Variants in TIPRL observed in about 807,000 individuals in gnomAD.
TIPRL encodes TIP41-like protein.
Under a neutral mutation model 32.3 loss-of-function variants are expected in TIPRL, and 10 were observed. The observed-to-expected ratio is 0.31, with a 90% CI of 0.19 to 0.52. The LOEUF is 0.52. Among genes scored for constraint, TIPRL ranks in the 20% least tolerant of loss-of-function variants. The pLI is 0.96. For synonymous variants in TIPRL, 100 were observed against 114.0 expected, an observed-to-expected ratio of 0.88 and a Z score of 0.78; for missense variants, 250 against 328.1, an observed-to-expected ratio of 0.76 and a Z score of 1.84.
intron 3 of TIPRL, among the ~76,000 whole-genome samples, chr1:168,188,669 G>A (rs928203196): frequency 7.2e-5 from 11 of 152,080 alleles, no homozygotes; most frequent in African/African-American, 2.4e-4. Flanking sequence ...AGTTTGAGGT[G>A]TACTGGGCCT....
chr1:168,199,654 T>G (rs912849869), intron 6 of TIPRL, among the ~76,000 whole-genome samples: 1 of 152,188 alleles, frequency 6.6e-6, no homozygotes, highest in Non-Finnish European at 1.5e-5. Context: ...TGGATTAAGA[T>G]GTATTAAATT....
intron 4 of TIPRL, among the ~76,000 whole-genome samples, chr1:168,191,799 G>A (rs1700100010): frequency 6.8e-6 from 1 of 146,334 alleles, no homozygotes; most frequent in African/African-American, 2.6e-5. Flanking sequence ...GTGAACCCAA[G>A]AGGCGGAGCT....
At chr1:168,182,043 GAC>G (rs1438410340) in intron 1 of TIPRL, among the ~76,000 whole-genome samples, 2 of 149,898 alleles carry the variant, frequency 1.3e-5, no homozygotes, top group East Asian at 3.9e-4. Context: ...CAGCCTGGAT[GAC>G]AGAGTAAGAC....
Position 168,196,284 on chromosome 1 carries a change from TA to T in TIPRL, c.517-261del, listed in dbSNP as rs1700152451. Among the ~76,000 whole-genome samples, 3 of 152,224 alleles carry T rather than the reference TA, an allele frequency of 2.0e-5. No individual in the cohort carries two copies. The South Asian group carries it at 6.2e-4, about 31-fold the overall frequency. Reference sequence around the variant, plus strand: ...TTTTTACATTACTTGGGTATGTTTTTAAGTCTTTTAAACCTCAATATCTCCT... The same window carrying T: ...TTTTTACATTACTTGGGTATGTTTTTAGTCTTTTAAACCTCAATATCTCCT... On this transcript the variant is annotated intron_variant, in intron 4 of 6. Coordinates refer to ENST00000367833, the MANE Select transcript of TIPRL (RefSeq NM_152902.5).
At position 168,200,670 on chromosome 1, in the gene TIPRL, T is replaced by C. The variant is rs1700200086; in HGVS notation, c.*624T>C. The C allele has an allele frequency of 6.6e-6, 1 of 152,190 alleles. No individual in the cohort carries two copies. Among genetic ancestry groups the C allele is most frequent in the Non-Finnish European group, 1.5e-5 (1 of 68,050 alleles). 9.4% of individuals were successfully genotyped at this position (152,190 alleles called of 1,614,324 possible). A position where few individuals can be genotyped will look rare whatever the true frequency, so the allele number is the denominator to read the frequency against. On this transcript the variant is annotated 3_prime_UTR_variant, in exon 7 of 7. Transcript: ENST00000367833. ...AATACCTAGATTTTTGGAGAACTTA[T>C]TACATACATAGAAACATGAATATGG...
At chr1:168,185,769 C>CA (rs749833672) in intron 3 of TIPRL, among the ~76,000 whole-genome samples, 224 of 77,884 alleles carry the variant, frequency 2.9e-3, no homozygotes, top group East Asian at 9.3e-3. Context: ...GACTCTGTCT[C>CA]AAAAAAAAAA....
intron 4 of TIPRL, chr1:168,192,200 A>AT: frequency 6.8e-7 from 1 of 1,479,410 alleles, no homozygotes. Flanking sequence ...TACCACTTCA[A>AT]TTTTCAGCCT....
At chr1:168,195,204 T>C (rs367833291) in intron 4 of TIPRL, among the ~76,000 whole-genome samples, 1 of 152,232 alleles carries the variant, frequency 6.6e-6, no homozygotes, top group Non-Finnish European at 1.5e-5. Flanking sequence ...CCTGTGCTTA[T>C]ATGTAAGATT....
At chr1:168,185,061 C>T (rs1281650199) in intron 3 of TIPRL, among the ~76,000 whole-genome samples, 183 bp downstream of exon 3, 4 of 152,128 alleles carry the variant, frequency 2.6e-5, no homozygotes, top group Non-Finnish European at 5.9e-5. Context: ...AAATAAAAGA[C>T]GGCATTAGTG....
intron 4 of TIPRL, among the ~76,000 whole-genome samples, chr1:168,192,024 C>T (rs1320238924): frequency 6.6e-6 from 1 of 152,056 alleles, no homozygotes; most frequent in Non-Finnish European, 1.5e-5. Context: ...AATAGACCTG[C>T]CTGGCCACCT....
intron 1 of TIPRL, among the ~76,000 whole-genome samples, chr1:168,183,598 T>G (rs1386718077): frequency 6.6e-6 from 1 of 152,134 alleles, no homozygotes; most frequent in Non-Finnish European, 1.5e-5. Context: ...TATCTTTTCT[T>G]CATACCCTCA....
intron 1 of TIPRL, among the ~76,000 whole-genome samples, chr1:168,183,656 A>G (rs1194818632): frequency 6.6e-6 from 1 of 152,150 alleles, no homozygotes; most frequent in East Asian, 1.9e-4. Flanking sequence ...ATAGTAGTAT[A>G]ATAAGCTATT....
chr1:168,189,808 A>G (rs1700069632), intron 3 of TIPRL, among the ~76,000 whole-genome samples: 2 of 152,340 alleles, frequency 1.3e-5, no homozygotes, highest in African/African-American at 2.4e-5. Flanking sequence ...GTTAAATATG[A>G]TATCTCTAAC....
chr1:168,197,874 G>A (rs1280402160), intron 5 of TIPRL, among the ~76,000 whole-genome samples: 1 of 151,980 alleles, frequency 6.6e-6, no homozygotes, highest in African/African-American at 2.4e-5. Context: ...TGAATTTTAG[G>A]AATTTATCCT....
chr1:168,198,024 C>A (rs548180349), intron 5 of TIPRL, among the ~76,000 whole-genome samples: 17 of 151,970 alleles, frequency 1.1e-4, no homozygotes, highest in Non-Finnish European at 1.9e-4. Flanking sequence ...ATTAAATGGC[C>A]ATTAATTAAA....
chr1:168,181,446 G>C (rs1185463042), intron 1 of TIPRL, among the ~76,000 whole-genome samples: 1 of 151,344 alleles, frequency 6.6e-6, no homozygotes, highest in Non-Finnish European at 1.5e-5. Context: ...CCTGACCTCA[G>C]ATGATCCACC....
At position 168,198,960 on chromosome 1, in the gene TIPRL, A is replaced by G. The variant is rs1321788567; in HGVS notation, c.654A>G (p.Glu218=). The change falls in exon 6 of 7, where the codon GAA becomes GAG. Residue 218 remains glutamate (E), a synonymous_variant. Coordinates refer to ENST00000367833, the MANE Select transcript of TIPRL (RefSeq NM_152902.5). ...TGTTACGAGAATATACGTCACGAGAAAGCAAAATTTCTAGTTTGATGGCAA... is the reference window on the plus strand; with the variant it reads ...TGTTACGAGAATATACGTCACGAGAGAGCAAAATTTCTAGTTTGATGGCAA... The part of the protein sequence containing the change: ...TYMLREYTSR[E]SKISSLMHVP... The G allele has an allele frequency of 6.2e-7, 1 of 1,612,188 alleles. No homozygotes were observed. The highest frequency in any genetic ancestry group is 8.5e-7 in the Non-Finnish European group (1 of 1,178,928).
At chr1:168,198,062 TA>T (rs773816601) in intron 5 of TIPRL, among the ~76,000 whole-genome samples, 4 of 152,118 alleles carry the variant, frequency 2.6e-5, no homozygotes, top group Non-Finnish European at 4.4e-5. Flanking sequence ...GTATAAAATA[TA>T]TAATTATTAA....
intron 4 of TIPRL, chr1:168,192,129 G>A: frequency 7.4e-7 from 1 of 1,342,674 alleles, no homozygotes; most frequent in Admixed American, 3.2e-5. Flanking sequence ...TCTGCAGACG[G>A]CAAGGTGGAT....
Sources: allele counts gnomAD v4.1 joint callset (sites outside exome capture counted in the v4.1 genomes callset), GRCh38; gene constraint gnomAD v4.1.1; transcripts MANE v1.5; gene names NCBI Gene and HGNC (gene_info 2026-07-23, HGNC 2026-07-21).